Variants in KCNH8 observed in about 807,000 individuals in gnomAD.
KCNH8 encodes potassium voltage-gated channel subfamily H member 8.
KCNH8 carries 70 observed loss-of-function variants against 103.6 expected under a neutral mutation model. That is an observed-to-expected ratio of 0.68 (90% CI 0.56 to 0.82). The LOEUF is 0.82. Ranked by LOEUF, KCNH8 falls within the 40% of genes least tolerant of loss-of-function variation. The pLI, the probability that KCNH8 is intolerant of heterozygous loss-of-function variation, is 0.00. For synonymous variants in KCNH8, 498 were observed against 489.4 expected (o/e 1.02, Z -0.23); for missense variants, 1,217 against 1,329.9 (o/e 0.92, Z 1.32).
intron 15 of KCNH8, among the ~76,000 whole-genome samples, chr3:19,518,943 A>C (rs1197236412): frequency 6.6e-6 from 1 of 152,092 alleles, no homozygotes; most frequent in African/African-American, 2.4e-5. Flanking sequence ...AAAGTGATAC[A>C]GGAAGTATAA....
intron 12 of KCNH8, among the ~76,000 whole-genome samples, chr3:19,510,638 A>G (rs1429621738): frequency 6.6e-6 from 1 of 152,230 alleles, no homozygotes; most frequent in Admixed American, 6.5e-5. Flanking sequence ...TTACCAAAAC[A>G]TGCCAAATGT....
At position 19,438,306 on chromosome 3, in the gene KCNH8, C is replaced by T; in HGVS notation, c.1320C>T (p.Val440=). 1.2e-6 allele frequency: 2 copies of T among 1,614,056 alleles called. No homozygotes were observed. Among genetic ancestry groups the T allele is most frequent in the Non-Finnish European group, 1.7e-6 (2 of 1,180,010 alleles). ...SSLTSVGFGN[V]SANTDAEKIF... is the part of the protein sequence containing the mutation. ...TCACCAGCGTGGGTTTTGGGAACGT[C>T]TCTGCTAATACAGATGCAGAAAAGA... is the stretch of plus-strand genomic sequence containing the variant. Residue 440 remains valine (V), a synonymous_variant, in exon 8 of 16, where the codon GTC becomes GTT. Coordinates refer to ENST00000328405, the MANE Select transcript of KCNH8 (RefSeq NM_144633.3).
chr3:19,167,196 G>A (rs916038870), intron 1 of KCNH8, among the ~76,000 whole-genome samples: 4 of 152,100 alleles, frequency 2.6e-5, no homozygotes, highest in Non-Finnish European at 5.9e-5. Flanking sequence ...GACAACACTG[G>A]GGCCAGTTGT....
intron 2 of KCNH8, among the ~76,000 whole-genome samples, chr3:19,277,975 T>G (rs2064698801): frequency 6.6e-6 from 1 of 152,134 alleles, no homozygotes; most frequent in African/African-American, 2.4e-5. Flanking sequence ...GCTGTGGGAC[T>G]TGCAGCCTCC....
chr3:19,499,697 A>G (rs2068531596), intron 11 of KCNH8, among the ~76,000 whole-genome samples: 1 of 152,228 alleles, frequency 6.6e-6, no homozygotes, highest in Non-Finnish European at 1.5e-5. Flanking sequence ...TAAGCTTCAT[A>G]AGTGAAGGAT....
intron 1 of KCNH8, among the ~76,000 whole-genome samples, chr3:19,210,688 T>TA (rs113050711): frequency 6.2e-4 from 90 of 146,262 alleles, no homozygotes; most frequent in Admixed American, 7.5e-4. Context: ...AACCTATCAG[T>TA]AAAAAAAAAA....
chr3:19,395,250 T>C lies in KCNH8; in HGVS notation c.1116T>C (p.Cys372=), dbSNP rs1368726559. 6.2e-7 allele frequency: 1 copy of C among 1,610,616 alleles called. No homozygotes were observed. The highest frequency in any genetic ancestry group is 8.5e-7 in the Non-Finnish European group (1 of 1,178,320). ...MFALLAHWMA[C]IWYVIGKMER... ...CACTCCTTGCACACTGGATGGCGTGTATCTGGTACGTCATTGGAAAAATGG... is the reference window on the plus strand; with the variant it reads ...CACTCCTTGCACACTGGATGGCGTGCATCTGGTACGTCATTGGAAAAATGG... Residue 372 remains cysteine (C), a synonymous_variant, in exon 7 of 16, where the codon TGT becomes TGC. Coordinates refer to ENST00000328405, the MANE Select transcript of KCNH8 (RefSeq NM_144633.3).
chr3:19,512,782 G>A (rs1308460057), intron 12 of KCNH8, among the ~76,000 whole-genome samples, 188 bp from the exon 13 acceptor site: 1 of 152,130 alleles, frequency 6.6e-6, no homozygotes, highest in African/African-American at 2.4e-5. Flanking sequence ...TAAACCTGGA[G>A]AAGAGCAGAA....
intron 15 of KCNH8, among the ~76,000 whole-genome samples, chr3:19,524,265 T>C (rs576422900): frequency 1.8e-4 from 28 of 151,978 alleles, no homozygotes; most frequent in Middle Eastern, 6.8e-3. Context: ...ATCCTGATCA[T>C]ATATAGTTCT....
chr3:19,379,042 TAGTA>T (rs34574060), intron 5 of KCNH8, among the ~76,000 whole-genome samples: 11,830 of 152,100 alleles, frequency 0.078, 643 homozygotes, highest in Non-Finnish European at 0.13. Flanking sequence ...AGAAGAAAAA[TAGTA>T]AGCAGCTTTG....
At chr3:19,154,765 G>A (rs2063164924) in intron 1 of KCNH8, among the ~76,000 whole-genome samples, 1 of 152,108 alleles carries the variant, frequency 6.6e-6, no homozygotes, top group Non-Finnish European at 1.5e-5. Flanking sequence ...TATGTCCTTG[G>A]TCAAGAAAAA....
chr3:19,207,339 CTG>C, intron 1 of KCNH8, among the ~76,000 whole-genome samples: 1 of 151,984 alleles, frequency 6.6e-6, no homozygotes, highest in South Asian at 2.1e-4. Flanking sequence ...TATATGAAGA[CTG>C]TTATTTTCTT....
chr3:19,249,641 T>C (rs1005962944), intron 1 of KCNH8, among the ~76,000 whole-genome samples: 2 of 152,150 alleles, frequency 1.3e-5, no homozygotes, highest in African/African-American at 4.8e-5. Flanking sequence ...ATAAAGATGC[T>C]AAGGAAATTA....
At chr3:19,182,295 G>A (rs2063460934) in intron 1 of KCNH8, among the ~76,000 whole-genome samples, 1 of 152,078 alleles carries the variant, frequency 6.6e-6, no homozygotes, top group African/African-American at 2.4e-5. Context: ...TTCGGAGGCC[G>A]ACGGGGGCAG....
chr3:19,248,121 T>G (rs925640308), intron 1 of KCNH8, among the ~76,000 whole-genome samples: 5 of 152,186 alleles, frequency 3.3e-5, no homozygotes, highest in African/African-American at 1.2e-4. Flanking sequence ...TGAAAAATTC[T>G]GATGAATTTT....
At chr3:19,308,833 T>G (rs1426278594) in intron 3 of KCNH8, among the ~76,000 whole-genome samples, 4 of 144,018 alleles carry the variant, frequency 2.8e-5, no homozygotes, top group Admixed American at 7.0e-5. Context: ...TCTCCCCTCC[T>G]CCTTCTCCCT....
intron 11 of KCNH8, among the ~76,000 whole-genome samples, chr3:19,472,467 A>G (rs1192651407): frequency 6.6e-6 from 1 of 152,220 alleles, no homozygotes; most frequent in Middle Eastern, 3.4e-3. Flanking sequence ...AATTAGTCTC[A>G]TGAGACCTGA....
intron 3 of KCNH8, among the ~76,000 whole-genome samples, chr3:19,326,356 A>AATAT (rs34714826): frequency 0.026 from 3,506 of 135,704 alleles, 83 homozygotes; most frequent in South Asian, 0.049. Flanking sequence ...ATGAAAGTTA[A>AATAT]ATATATATAT....
Position 19,373,185 on chromosome 3 carries a change from G to A in KCNH8, c.812-17296G>A, listed in dbSNP as rs868406317. Reference sequence around the variant, plus strand: ...TGATTGGAATAGTTTCAGAAGGAATGGTACCAGCTCCTCCTTGTACCTCTG... The same window carrying A: ...TGATTGGAATAGTTTCAGAAGGAATAGTACCAGCTCCTCCTTGTACCTCTG... On this transcript the variant is annotated intron_variant, in intron 5 of 15. Transcript: ENST00000328405. Among the ~76,000 whole-genome samples, 7 of 152,072 alleles carry A rather than the reference G, an allele frequency of 4.6e-5. No individual in the cohort carries two copies. The South Asian group carries it at 1.0e-3, about 23-fold the overall frequency.
Sources: allele counts gnomAD v4.1 joint callset (sites outside exome capture counted in the v4.1 genomes callset), GRCh38; gene constraint gnomAD v4.1.1; transcripts MANE v1.5; gene names NCBI Gene and HGNC (gene_info 2026-07-23, HGNC 2026-07-21).